AFF4: variants seen among roughly 807,000 people sequenced by gnomAD.
AFF4 encodes the protein ALF transcription elongation factor 4.
AFF4 carries 13 observed loss-of-function variants against 124.8 expected under a neutral mutation model. That is an observed-to-expected ratio of 0.10 (90% CI 0.07 to 0.17). AFF4 has a LOEUF of 0.17. AFF4 is among the 10% of genes least tolerant of loss of function. The pLI, the probability that AFF4 is intolerant of heterozygous loss-of-function variation, is 1.00. For synonymous variants in AFF4, 477 were observed against 496.1 expected (o/e 0.96, Z 0.51); for missense variants, 1,092 against 1,403.8 (o/e 0.78, Z 3.55).
At chr5:132,930,016 G>T (rs1315122562) in intron 4 of AFF4, among the ~76,000 whole-genome samples, 4 of 152,152 alleles carry the variant, frequency 2.6e-5, no homozygotes, top group Non-Finnish European at 4.4e-5. Context: ...ACATGAGGAA[G>T]AAATTAGAGA....
rs755607917 is a variant in AFF4 at position 132,887,544 on chromosome 5, T to C, written c.2982A>G (p.Ala994=). ...ACCAAAGTACTGTGAGTCGTTTATCTGCAGCTGTAGCATCTGGTGCCAAGT... is the reference window on the plus strand; with the variant it reads ...ACCAAAGTACTGTGAGTCGTTTATCCGCAGCTGTAGCATCTGGTGCCAAGT... ...KNYLAPDATA[A]DKRLTVLCLR... Residue 994 remains alanine, a synonymous_variant, in exon 17 of 21, where the codon GCA becomes GCG. Coordinates refer to ENST00000265343, the MANE Select transcript of AFF4 (RefSeq NM_014423.4). 2 of 1,614,064 alleles carry C rather than the reference T, an allele frequency of 1.2e-6. No individual in the cohort carries two copies. Among genetic ancestry groups the C allele is most frequent in the South Asian group, 1.1e-5 (1 of 91,082 alleles).
intron 1 of AFF4, among the ~76,000 whole-genome samples, chr5:132,941,392 G>A (rs1396236990): frequency 6.6e-6 from 1 of 151,890 alleles, no homozygotes; most frequent in African/African-American, 2.4e-5. Context: ...GGAAAGCAGT[G>A]GCACAATCTC....
At chr5:132,894,644 AC>A (rs1457758987) in intron 11 of AFF4, among the ~76,000 whole-genome samples, 1 of 152,138 alleles carries the variant, frequency 6.6e-6, no homozygotes. Flanking sequence ...TGCCCTTGAC[AC>A]TTTATATTTT....
intron 5 of AFF4, 51 bp from the exon 6 acceptor site, chr5:132,904,455 T>C: frequency 6.7e-7 from 1 of 1,493,364 alleles, no homozygotes; most frequent in African/African-American, 1.4e-5. Context: ...AAAAGAAAGA[T>C]TAGTGAAAAA....
intron 10 of AFF4, 29 bp from the exon 11 acceptor site, chr5:132,897,269 T>C: frequency 1.3e-6 from 2 of 1,594,008 alleles, no homozygotes; most frequent in Non-Finnish European, 1.7e-6. Flanking sequence ...TGTATGCTTT[T>C]TTCGATACTG....
At position 132,876,261 on chromosome 5, in the gene AFF4, C is replaced by T. The variant is rs979629500; in HGVS notation, c.*4798G>A. 6.2e-6 allele frequency: 1 copy of T among 162,360 alleles called. No individual in the cohort carries two copies. Among genetic ancestry groups the T allele is most frequent in the African/African-American group, 2.5e-5 (1 of 40,590 alleles). 10.1% of individuals were successfully genotyped at this position (162,360 alleles called of 1,614,324 possible). ...ATGTTAATGATTTGCCAGGTGTGTGCATAAAGTTGTAAAATGGGGACACTT... is the reference window on the plus strand; with the variant it reads ...ATGTTAATGATTTGCCAGGTGTGTGTATAAAGTTGTAAAATGGGGACACTT... On this transcript the variant is annotated 3_prime_UTR_variant, in exon 21 of 21. Transcript: ENST00000265343.
chr5:132,881,289 T>C (rs1396802728), intron 20 of AFF4, 103 bp from the exon 21 acceptor site: 2 of 1,188,814 alleles, frequency 1.7e-6, no homozygotes, highest in African/African-American at 3.1e-5. Context: ...ACTCAAAAAA[T>C]ACCTCCTCCT....
chr5:132,957,019 CAAAAAAAAAAAA>C (rs1180577709), intron 1 of AFF4, among the ~76,000 whole-genome samples: 36 of 40,808 alleles, frequency 8.8e-4, no homozygotes, highest in South Asian at 3.8e-3. Flanking sequence ...GACTTCGTCT[CAAAAAAAAAAAA>C]AAAAAAAAAA....
At chr5:132,920,041 TTTTC>T (rs1561495274) in intron 5 of AFF4, among the ~76,000 whole-genome samples, 1 of 151,800 alleles carries the variant, frequency 6.6e-6, no homozygotes, top group Non-Finnish European at 1.5e-5. Flanking sequence ...AGGCAAAGAT[TTTTC>T]TTTTTCTTTT....
intron 1 of AFF4, among the ~76,000 whole-genome samples, chr5:132,951,124 C>G (rs1761833998): frequency 6.6e-6 from 1 of 151,918 alleles, no homozygotes; most frequent in African/African-American, 2.4e-5. Flanking sequence ...ACTCAGGAAG[C>G]TGAAGCAGGA....
intron 1 of AFF4, among the ~76,000 whole-genome samples, chr5:132,950,193 T>G (rs1385065556): frequency 6.6e-6 from 1 of 151,922 alleles, no homozygotes; most frequent in Non-Finnish European, 1.5e-5. Context: ...AAGCCGTGCC[T>G]GGCCGGGCGC....
intron 1 of AFF4, among the ~76,000 whole-genome samples, chr5:132,938,528 G>A (rs554479007): frequency 6.6e-6 from 1 of 151,948 alleles, no homozygotes; most frequent in East Asian, 2.0e-4. Context: ...GCCTCCCAAA[G>A]TGCTGGGATT....
intron 5 of AFF4, among the ~76,000 whole-genome samples, chr5:132,907,560 TA>T (rs1195944852): frequency 1.3e-4 from 20 of 152,140 alleles, no homozygotes; most frequent in African/African-American, 4.8e-4. Flanking sequence ...CAAATACACA[TA>T]ATTATATTGA....
intron 7 of AFF4, among the ~76,000 whole-genome samples, chr5:132,900,374 G>A (rs958019031): frequency 6.6e-6 from 1 of 152,064 alleles, no homozygotes; most frequent in Non-Finnish European, 1.5e-5. Flanking sequence ...CAGGCCAACA[G>A]GGTGAAACCC....
intron 1 of AFF4, among the ~76,000 whole-genome samples, chr5:132,950,492 C>T (rs937186205): frequency 1.3e-5 from 2 of 151,454 alleles, no homozygotes; most frequent in Admixed American, 1.3e-4. Context: ...AATAAATAAA[C>T]AAGCAAGCAA....
intron 1 of AFF4, among the ~76,000 whole-genome samples, chr5:132,949,867 AG>A (rs1199163232): frequency 1.5e-5 from 2 of 137,622 alleles, no homozygotes; most frequent in Non-Finnish European, 3.1e-5. Context: ...AAAAAAAAAA[AG>A]TAAAAATTAG....
At chr5:132,947,453 C>T (rs1045964311) in intron 1 of AFF4, among the ~76,000 whole-genome samples, 23 of 152,064 alleles carry the variant, frequency 1.5e-4, no homozygotes, top group Middle Eastern at 6.8e-3. Flanking sequence ...TCTAACATCC[C>T]CCATTCAAGT....
chr5:132,907,521 A>C (rs976646817), intron 5 of AFF4, among the ~76,000 whole-genome samples: 3 of 152,188 alleles, frequency 2.0e-5, no homozygotes, highest in African/African-American at 7.2e-5. Flanking sequence ...TCAAAGTAAA[A>C]TGGCAACTGT....
At position 132,963,404 on chromosome 5, in the gene AFF4, G is replaced by C; in HGVS notation, c.-150C>G. 1 of 398,152 alleles carries C rather than the reference G, an allele frequency of 2.5e-6. No individual in the cohort carries two copies. Among genetic ancestry groups the C allele is most frequent in the Non-Finnish European group, 4.4e-6 (1 of 225,820 alleles). The allele number at this position is 398,152 out of a possible 1,614,324, so 24.7% of individuals were successfully genotyped here. A position where few individuals can be genotyped will look rare whatever the true frequency, so the allele number is the denominator to read the frequency against. On this transcript the variant is annotated 5_prime_UTR_variant, in exon 1 of 21. Coordinates refer to ENST00000265343, the MANE Select transcript of AFF4 (RefSeq NM_014423.4). ...GGGCGAGGGGCTCCGGGAGGCGGCG[G>C]GGGTTCCGGAGGCCTCGACAAACGA...
Sources: allele counts gnomAD v4.1 joint callset (sites outside exome capture counted in the v4.1 genomes callset), GRCh38; gene constraint gnomAD v4.1.1; transcripts MANE v1.5; gene names NCBI Gene and HGNC (gene_info 2026-07-23, HGNC 2026-07-21).